Variants in STAG1 observed in about 807,000 individuals in gnomAD.
STAG1 encodes the protein cohesin subunit SA-1.
STAG1 carries 26 observed loss-of-function variants against 170.9 expected under a neutral mutation model. The observed-to-expected ratio is 0.15, with a 90% CI of 0.11 to 0.21. The LOEUF is 0.21. STAG1 is among the 10% of genes least tolerant of loss of function. STAG1 has a pLI of 1.00. For missense variants in STAG1, 964 were observed against 1,509.5 expected (o/e 0.64, Z 5.99); for synonymous variants, 514 against 497.7 (o/e 1.03, Z -0.44).
chr3:136,698,953 A>G (rs1576780325), intron 1 of STAG1, among the ~76,000 whole-genome samples: 1 of 152,198 alleles, frequency 6.6e-6, no homozygotes, highest in East Asian at 1.9e-4. Context: ...TAAGTGAAGT[A>G]ACTAAGGAAT....
chr3:136,398,298 A>G (rs914688279), intron 22 of STAG1, among the ~76,000 whole-genome samples: 1 of 152,102 alleles, frequency 6.6e-6, no homozygotes, highest in African/African-American at 2.4e-5. Context: ...TTGTATTCTT[A>G]GTAGAGATGG....
At chr3:136,678,309 T>C (rs1335943817) in intron 1 of STAG1, among the ~76,000 whole-genome samples, 1 of 151,396 alleles carries the variant, frequency 6.6e-6, no homozygotes, top group East Asian at 1.9e-4. Context: ...TAAATCAATA[T>C]AGTATTGATA....
chr3:136,729,438 T>C (rs140473013), intron 1 of STAG1, among the ~76,000 whole-genome samples: 1 of 152,324 alleles, frequency 6.6e-6, no homozygotes, highest in East Asian at 1.9e-4. Context: ...TATCAATATA[T>C]TAAAGCAACT....
At chr3:136,386,399 C>T (rs1047777774) in intron 22 of STAG1, among the ~76,000 whole-genome samples, 1 of 151,924 alleles carries the variant, frequency 6.6e-6, no homozygotes, top group Non-Finnish European at 1.5e-5. Flanking sequence ...CAATGAAGAA[C>T]CCCAAATATG....
At chr3:136,636,286 T>C (rs1940554868) in intron 1 of STAG1, among the ~76,000 whole-genome samples, 1 of 151,708 alleles carries the variant, frequency 6.6e-6, no homozygotes, top group Non-Finnish European at 1.5e-5. Flanking sequence ...CTTAGCAATG[T>C]ATACACACAC....
chr3:136,561,454 T>C (rs956339137), intron 5 of STAG1, among the ~76,000 whole-genome samples: 5 of 152,236 alleles, frequency 3.3e-5, no homozygotes, highest in Non-Finnish European at 4.4e-5. Flanking sequence ...CACAGTGAAA[T>C]GTAAATCTGA....
At chr3:136,634,445 TAA>T (rs957081244) in intron 1 of STAG1, among the ~76,000 whole-genome samples, 1 of 151,658 alleles carries the variant, frequency 6.6e-6, no homozygotes, top group Non-Finnish European at 1.5e-5. Flanking sequence ...TAAAAAATCA[TAA>T]AGTTATAAAC....
chr3:136,347,078 C>T (rs1306374635), intron 29 of STAG1, among the ~76,000 whole-genome samples: 13 of 131,726 alleles, frequency 9.9e-5, no homozygotes, highest in African/African-American at 3.7e-4. Flanking sequence ...GACCCTGTCT[C>T]ATTAAAAAAA....
At chr3:136,699,669 A>G (rs1942993181) in intron 1 of STAG1, among the ~76,000 whole-genome samples, 1 of 151,964 alleles carries the variant, frequency 6.6e-6, no homozygotes, top group African/African-American at 2.4e-5. Context: ...GAAGTAACTC[A>G]GGAATGGAAA....
intron 13 of STAG1, among the ~76,000 whole-genome samples, chr3:136,458,024 AAC>A (rs1576485172): frequency 6.6e-6 from 1 of 152,226 alleles, no homozygotes; most frequent in African/African-American, 2.4e-5. Flanking sequence ...TGTAAATTGA[AAC>A]ACAGAAAAGC....
intron 13 of STAG1, among the ~76,000 whole-genome samples, chr3:136,455,344 G>C (rs761083897): frequency 6.6e-6 from 1 of 152,200 alleles, no homozygotes; most frequent in Non-Finnish European, 1.5e-5. Flanking sequence ...ATTAGTAAGA[G>C]AAACAGTCAT....
At chr3:136,646,592 G>C (rs939160577) in intron 1 of STAG1, among the ~76,000 whole-genome samples, 3 of 152,124 alleles carry the variant, frequency 2.0e-5, no homozygotes, top group Non-Finnish European at 2.9e-5. Context: ...ATAATCTCTA[G>C]TGTTCCATAG....
rs763681973 is a variant in STAG1 at position 136,477,403 on chromosome 3, A to G, written c.912T>C (p.Ile304=). 6.2e-7 allele frequency: 1 copy of G among 1,610,532 alleles called. No homozygotes were observed. Among genetic ancestry groups the G allele is most frequent in the Admixed American group, 1.7e-5 (1 of 59,730 alleles). The change falls in exon 10 of 34, where the codon ATT becomes ATC. Residue 304 remains isoleucine, a synonymous_variant. Transcript: ENST00000383202. ...CAATACAAATGGCTCTAATCTCAGC[A>G]ATAGCATCACTAGAGAGAGAAAAAA... ...GIFVHRYRDA[I]AEIRAICIEE...
chr3:136,340,508 T>A lies in STAG1; in HGVS notation c.3655A>T (p.Thr1219Ser), dbSNP rs1935925597. 2 of 1,606,402 alleles carry A rather than the reference T, an allele frequency of 1.2e-6. No homozygotes were observed. Among genetic ancestry groups the A allele is most frequent in the African/African-American group, 2.7e-5 (2 of 74,872 alleles). The change falls in exon 32 of 34, where the codon ACC (threonine) becomes TCC (serine). Residue 1219 changes from threonine to serine, a missense_variant. Physicochemically the swap from Thr to Ser is moderately conservative, Grantham distance 58. Around this residue, in one of 11 missense-constraint regions of STAG1, gnomAD observed 59 missense variants for 104.2 expected, o/e 0.57. Coordinates refer to ENST00000383202, the MANE Select transcript of STAG1 (RefSeq NM_005862.3). ...TTCTCTACCAGATCAATAACCATGGTGTCCTCAAATTCTTCATTCATATCT... is the reference window on the plus strand; with the variant it reads ...TTCTCTACCAGATCAATAACCATGGAGTCCTCAAATTCTTCATTCATATCT... The part of the protein sequence containing the change: ...LEDMNEEFED[T>S]MVIDLPPSRN...
At chr3:136,657,469 C>A (rs933127196) in intron 1 of STAG1, among the ~76,000 whole-genome samples, 3 of 152,124 alleles carry the variant, frequency 2.0e-5, no homozygotes, top group African/African-American at 7.2e-5. Flanking sequence ...GGATTACAGG[C>A]ATAAGCCACC....
At chr3:136,343,518 C>T (rs1936087497) in intron 30 of STAG1, among the ~76,000 whole-genome samples, 2 of 152,258 alleles carry the variant, frequency 1.3e-5, no homozygotes, top group African/African-American at 4.8e-5. Context: ...GTTTTCTTGC[C>T]TAGGAAGTAA....
intron 3 of STAG1, among the ~76,000 whole-genome samples, chr3:136,612,928 A>C (rs1476794181): frequency 6.6e-6 from 1 of 152,194 alleles, no homozygotes; most frequent in East Asian, 1.9e-4. Flanking sequence ...ACTTTGAGTA[A>C]GACTATGTTT....
chr3:136,369,003 AG>A (rs1698341513), intron 24 of STAG1, 104 bp downstream of exon 24: 2 of 1,161,004 alleles, frequency 1.7e-6, no homozygotes, highest in African/African-American at 1.6e-5. Flanking sequence ...CTTTTTTAAA[AG>A]AAAGAAATCT....
chr3:136,477,515 A>G (rs1434657287), intron 9 of STAG1, 103 bp from the exon 10 acceptor site: 2 of 1,103,322 alleles, frequency 1.8e-6, no homozygotes, highest in East Asian at 2.6e-5. Context: ...CTGTTTGTAT[A>G]TATTTGCATT....
Sources: allele counts gnomAD v4.1 joint callset (sites outside exome capture counted in the v4.1 genomes callset), GRCh38; gene constraint gnomAD v4.1.1; regional missense constraint gnomAD v4.1.1; transcripts MANE v1.5; gene names NCBI Gene and HGNC (gene_info 2026-07-23, HGNC 2026-07-21).